Variants in SLC7A2 observed in about 807,000 individuals in gnomAD.
SLC7A2 encodes the protein cationic amino acid transporter 2.
In SLC7A2, 48 loss-of-function variants were observed where a neutral mutation model predicts 58.9. The ratio of observed to expected loss-of-function variants is 0.82; its 90% CI spans 0.65 to 1.04. The LOEUF is 1.04. Among genes scored for constraint, SLC7A2 ranks in the 50% least tolerant of loss-of-function variants. The probability of loss-of-function intolerance (pLI) is 0.00; values close to 1 mark genes in which losing one functional copy is unlikely to be tolerated. For synonymous variants in SLC7A2, 363 were observed against 314.5 expected (o/e 1.15, Z -1.63); for missense variants, 1,029 against 818.8 (o/e 1.26, Z -3.13).
intron 4 of SLC7A2, among the ~76,000 whole-genome samples, chr8:17,546,941 G>A (rs1187164990): frequency 1.3e-5 from 2 of 152,036 alleles, no homozygotes; most frequent in African/African-American, 4.8e-5. Flanking sequence ...AGCAAAGTAG[G>A]TGTTTTGGGT....
At chr8:17,546,189 A>G (rs958638330) in intron 4 of SLC7A2, among the ~76,000 whole-genome samples, 1 of 152,254 alleles carries the variant, frequency 6.6e-6, no homozygotes, top group Non-Finnish European at 1.5e-5. Context: ...AACTTAAAAT[A>G]TTCAACTTTA....
At chr8:17,538,019 G>T (rs1272536687) in intron 2 of SLC7A2, among the ~76,000 whole-genome samples, 1 of 152,178 alleles carries the variant, frequency 6.6e-6, no homozygotes. Context: ...GTGAAATGGA[G>T]TCACATGTTT....
intron 2 of SLC7A2, 30 bp from the exon 3 acceptor site, chr8:17,543,288 T>G: frequency 6.4e-7 from 1 of 1,554,926 alleles, no homozygotes; most frequent in Non-Finnish European, 8.7e-7. Flanking sequence ...CAATTCCAGA[T>G]CAGCTTCTAA....
At chr8:17,529,821 G>C (rs1244076423) in intron 2 of SLC7A2, among the ~76,000 whole-genome samples, 1 of 152,080 alleles carries the variant, frequency 6.6e-6, no homozygotes, top group Non-Finnish European at 1.5e-5. Flanking sequence ...ACAGGTGTGA[G>C]TCACCACGCC....
chr8:17,510,085 T>C (rs1386263295), intron 2 of SLC7A2, among the ~76,000 whole-genome samples: 1 of 152,040 alleles, frequency 6.6e-6, no homozygotes, highest in Non-Finnish European at 1.5e-5. Flanking sequence ...CCGGGCGTGA[T>C]AGCAGGCGAC....
At chr8:17,519,258 A>G (rs1337248100) in intron 2 of SLC7A2, among the ~76,000 whole-genome samples, 2 of 152,218 alleles carry the variant, frequency 1.3e-5, no homozygotes, top group African/African-American at 2.4e-5. Context: ...AGGTTTATAT[A>G]TGTAATACAC....
intron 2 of SLC7A2, among the ~76,000 whole-genome samples, chr8:17,513,452 G>A (rs574766559): frequency 6.6e-6 from 1 of 152,110 alleles, no homozygotes; most frequent in Non-Finnish European, 1.5e-5. Context: ...CACACAAAAG[G>A]AAGTTTAAAA....
intron 11 of SLC7A2, 132 bp from the exon 12 acceptor site, chr8:17,563,471 G>A: frequency 1.6e-6 from 1 of 630,190 alleles, no homozygotes; most frequent in Non-Finnish European, 2.9e-6. Context: ...ATGGTCTCTA[G>A]AAGCGTGGTT....
At chr8:17,533,127 T>C (rs1801526121) in intron 2 of SLC7A2, among the ~76,000 whole-genome samples, 1 of 152,204 alleles carries the variant, frequency 6.6e-6, no homozygotes, top group Non-Finnish European at 1.5e-5. Flanking sequence ...TTGCTTTCTC[T>C]GAGCACACAA....
At chr8:17,525,956 AG>A (rs1205126662) in intron 2 of SLC7A2, among the ~76,000 whole-genome samples, 3 of 152,178 alleles carry the variant, frequency 2.0e-5, no homozygotes, top group African/African-American at 7.2e-5. Flanking sequence ...ATGATGGGGA[AG>A]TAATTTGCAT....
At chr8:17,562,234 T>C in intron 11 of SLC7A2, 124 bp downstream of exon 11, 2 of 863,090 alleles carry the variant, frequency 2.3e-6, no homozygotes, top group South Asian at 2.0e-5. Flanking sequence ...AATCTCTCTC[T>C]TTGTCACTCA....
At chr8:17,562,421 T>C (rs1585274081) in intron 11 of SLC7A2, among the ~76,000 whole-genome samples, 2 of 152,080 alleles carry the variant, frequency 1.3e-5, no homozygotes, top group East Asian at 3.9e-4. Context: ...GCCAGGATGG[T>C]CTCGAACTCC....
chr8:17,555,619 G>A (rs902874211), intron 8 of SLC7A2, among the ~76,000 whole-genome samples: 26 of 151,882 alleles, frequency 1.7e-4, no homozygotes, highest in Admixed American at 1.6e-3. Flanking sequence ...TCAGTATGGT[G>A]GGCATCCTTG....
At chr8:17,540,692 GT>G in intron 2 of SLC7A2, among the ~76,000 whole-genome samples, 1 of 152,054 alleles carries the variant, frequency 6.6e-6, no homozygotes, top group East Asian at 1.9e-4. Context: ...AGCTTTTACT[GT>G]TTTAACGTTT....
At chr8:17,534,320 A>T (rs1801574367) in intron 2 of SLC7A2, among the ~76,000 whole-genome samples, 1 of 152,176 alleles carries the variant, frequency 6.6e-6, no homozygotes, top group Non-Finnish European at 1.5e-5. Context: ...TTTAAACAAC[A>T]GTTGTGGTCA....
chr8:17,526,520 C>G (rs1008220825), intron 2 of SLC7A2, among the ~76,000 whole-genome samples: 1 of 152,100 alleles, frequency 6.6e-6, no homozygotes, highest in Non-Finnish European at 1.5e-5. Context: ...AATTTCAGGT[C>G]TGGATGAATT....
At chr8:17,519,341 A>G (rs1185896268) in intron 2 of SLC7A2, among the ~76,000 whole-genome samples, 2 of 152,232 alleles carry the variant, frequency 1.3e-5, no homozygotes, top group East Asian at 1.9e-4. Context: ...GAAGTAAGTT[A>G]TAGTGATGGT....
chr8:17,498,265 G>A (rs1563425789), intron 1 of SLC7A2, among the ~76,000 whole-genome samples: 1 of 152,190 alleles, frequency 6.6e-6, no homozygotes, highest in Non-Finnish European at 1.5e-5. Flanking sequence ...AGAGCTCTCT[G>A]AATCCCATCC....
intron 8 of SLC7A2, among the ~76,000 whole-genome samples, chr8:17,557,065 A>G (rs1802741170): frequency 6.6e-6 from 1 of 152,200 alleles, no homozygotes; most frequent in African/African-American, 2.4e-5. Flanking sequence ...TTCTGTTAGA[A>G]AAACCACTCA....
Sources: gnomAD v4.1 joint callset for allele counts (sites outside exome capture counted in the v4.1 genomes callset) on GRCh38, gnomAD v4.1.1 for gene constraint, MANE v1.5 for transcripts, NCBI Gene and HGNC (gene_info 2026-07-23, HGNC 2026-07-21) for gene names.